Variants in SHTN1 observed in about 807,000 individuals in gnomAD.
SHTN1 encodes shootin-1.
In SHTN1, 42 loss-of-function variants were observed where a neutral mutation model predicts 83.1. The observed-to-expected ratio is 0.51, with a 90% confidence interval of 0.39 to 0.65. SHTN1 has a LOEUF of 0.65. Among genes scored for constraint, SHTN1 ranks in the 30% least tolerant of loss-of-function variants. The probability of loss-of-function intolerance (pLI) is 0.00; values close to 1 mark genes in which losing one functional copy is unlikely to be tolerated. For synonymous variants in SHTN1, 224 were observed against 247.7 expected, an observed-to-expected ratio of 0.90 and a Z score of 0.90; for missense variants, 622 against 737.8, an observed-to-expected ratio of 0.84 and a Z score of 1.82.
At chr10:117,104,652 T>C (rs1853647270) in intron 1 of SHTN1, among the ~76,000 whole-genome samples, 1 of 152,074 alleles carries the variant, frequency 6.6e-6, no homozygotes. Flanking sequence ...TGGGCGCCTG[T>C]AGCCCCAGCT....
chr10:116,943,672 G>T (rs891842141), intron 8 of SHTN1, among the ~76,000 whole-genome samples: 4 of 152,124 alleles, frequency 2.6e-5, no homozygotes, highest in African/African-American at 9.7e-5. Flanking sequence ...TTCACTGCTA[G>T]CACAGCTATG....
In SHTN1 at chr10:117,005,150, A is replaced by T. The variant is rs1851969925; in HGVS notation, c.-71T>A. The T allele has an allele frequency of 6.4e-7, 1 of 1,552,054 alleles. No individual in the cohort carries two copies. On this transcript the variant is annotated 5_prime_UTR_variant, in exon 1 of 17. Transcript: ENST00000355371. ...GGGGCACACAGGAGGAGGGGGAAGA[A>T]AAAGCAAGATGCCGGTGGCTTGCGG...
chr10:117,045,228 C>T (rs575567237), intron 2 of SHTN1, among the ~76,000 whole-genome samples: 7 of 152,218 alleles, frequency 4.6e-5, no homozygotes, highest in Non-Finnish European at 8.8e-5. Context: ...AATGAGAACA[C>T]TGACAAAATT....
intron 7 of SHTN1, among the ~76,000 whole-genome samples, chr10:116,948,030 T>C (rs1202787845): frequency 6.6e-6 from 1 of 152,218 alleles, no homozygotes; most frequent in Admixed American, 6.5e-5. Context: ...CGCAAAGGTT[T>C]CCTGTTAGTG....
intron 11 of SHTN1, 147 bp from the exon 12 acceptor site, chr10:116,921,663 T>TC (rs1848572053): frequency 1.8e-6 from 1 of 567,686 alleles, no homozygotes. Context: ...ATTAAACTTT[T>TC]CATCACTTTA....
At chr10:116,959,285 T>C (rs1158807205) in intron 4 of SHTN1, among the ~76,000 whole-genome samples, 3 of 152,216 alleles carry the variant, frequency 2.0e-5, no homozygotes, top group Non-Finnish European at 4.4e-5. Context: ...TGATTAAATA[T>C]CTTATGAATT....
At chr10:116,928,553 T>G (rs750768128) in intron 10 of SHTN1, among the ~76,000 whole-genome samples, 1 of 152,182 alleles carries the variant, frequency 6.6e-6, no homozygotes, top group Non-Finnish European at 1.5e-5. Context: ...AGAACTGAAC[T>G]TAAGTTGATA....
chr10:116,989,374 C>A (rs1851337026), intron 1 of SHTN1, among the ~76,000 whole-genome samples: 1 of 151,990 alleles, frequency 6.6e-6, no homozygotes, highest in Admixed American at 6.6e-5. Context: ...TATTATATAT[C>A]CTGCAAAAAC....
intron 1 of SHTN1, among the ~76,000 whole-genome samples, chr10:117,061,135 C>CTTTTTTTTTTTTTTTTTTTTTT (rs5788206): frequency 1.6e-5 from 2 of 127,264 alleles, no homozygotes; most frequent in Non-Finnish European, 1.7e-5. Context: ...AAGCTTTAGT[C>CTTTTTTTTTTTTTTTTTTTTTT]TTTTTTTTTT....
At chr10:117,062,715 A>G (rs1194840151) in intron 1 of SHTN1, among the ~76,000 whole-genome samples, 3 of 152,200 alleles carry the variant, frequency 2.0e-5, no homozygotes, top group African/African-American at 2.4e-5. Flanking sequence ...ATTCTTTTGT[A>G]TAACTCATAG....
intron 2 of SHTN1, among the ~76,000 whole-genome samples, chr10:117,014,212 C>T (rs991085445): frequency 4.6e-5 from 7 of 152,064 alleles, no homozygotes; most frequent in East Asian, 3.9e-4. Context: ...CTGTATGGTA[C>T]AGGGGTGTTG....
chr10:117,049,599 T>C (rs1852713382), intron 1 of SHTN1, among the ~76,000 whole-genome samples: 1 of 152,172 alleles, frequency 6.6e-6, no homozygotes, highest in Non-Finnish European at 1.5e-5. Context: ...AAATGTTTGT[T>C]GAATGAATGA....
At chr10:117,066,053 A>G (rs970319047) in intron 1 of SHTN1, among the ~76,000 whole-genome samples, 2 of 152,028 alleles carry the variant, frequency 1.3e-5, no homozygotes, top group Non-Finnish European at 1.5e-5. Flanking sequence ...CAACATATCA[A>G]GACCCTACCT....
chr10:117,067,626 A>AAATC (rs1033598135), intron 1 of SHTN1, among the ~76,000 whole-genome samples: 29 of 152,274 alleles, frequency 1.9e-4, no homozygotes, highest in South Asian at 8.3e-4. Flanking sequence ...AAAAATTTTA[A>AAATC]AATCAATCAA....
intron 2 of SHTN1, among the ~76,000 whole-genome samples, chr10:116,976,208 A>T (rs1469853577): frequency 6.6e-6 from 1 of 152,174 alleles, no homozygotes; most frequent in Non-Finnish European, 1.5e-5. Flanking sequence ...ATGAGAGAGC[A>T]TGGATGTCCT....
chr10:116,989,905 A>T (rs561621700), intron 1 of SHTN1, among the ~76,000 whole-genome samples: 29 of 152,300 alleles, frequency 1.9e-4, no homozygotes, highest in African/African-American at 5.8e-4. Context: ...CTTGAGGAAA[A>T]CATAATTTCT....
chr10:116,886,236 G>C lies in SHTN1; in HGVS notation c.*108C>G. Reference sequence around the variant, plus strand: ...GACACCAGAAAAGAACCTGTATTCTGAATACAGTGACCAGAGCAGAATGTC... The same window carrying C: ...GACACCAGAAAAGAACCTGTATTCTCAATACAGTGACCAGAGCAGAATGTC... On this transcript the variant is annotated 3_prime_UTR_variant, in exon 17 of 17. Transcript: ENST00000355371. 1.4e-6 allele frequency: 2 copies of C among 1,451,852 alleles called. No individual in the cohort carries two copies. Among genetic ancestry groups the C allele is most frequent in the Non-Finnish European group, 1.9e-6 (2 of 1,077,710 alleles). The allele number at this position is 1,451,852 out of a possible 1,614,324, so 89.9% of individuals were successfully genotyped here.
At position 116,886,441 on chromosome 10, in the gene SHTN1, T is replaced by G. The variant is rs762972159; in HGVS notation, c.1799A>C (p.Asp600Ala). Residue 600 changes from aspartate (D) to alanine (A), a missense_variant, in exon 17 of 17, where the codon GAT (aspartate) becomes GCT (alanine). By Grantham distance (126) the Asp-to-Ala change is moderately radical. Around this residue, in one of 3 missense-constraint regions of SHTN1, gnomAD observed 231 missense variants for 251.6 expected, o/e 0.92. Transcript: ENST00000355371. ...PQTKDQVAEK[D>A]PTQHKEDEGE... ...TTCATCCTCCTTGTGTTGAGTTGGA[T>G]CTTTTTCAGCAACCTGGTCTTTGGT... 2.5e-6 allele frequency: 4 copies of G among 1,612,096 alleles called. No homozygotes were observed. In the African/African-American group the frequency reaches 5.3e-5, roughly 22 times the overall value.
chr10:116,907,265 G>A (rs117506955), intron 14 of SHTN1, among the ~76,000 whole-genome samples: 19 of 152,256 alleles, frequency 1.2e-4, no homozygotes, highest in Non-Finnish European at 2.5e-4. Flanking sequence ...ATGCTCTCCA[G>A]GGGCCGACCC....
Sources: gnomAD v4.1 joint callset for allele counts (sites outside exome capture counted in the v4.1 genomes callset) on GRCh38, gnomAD v4.1.1 for gene constraint, gnomAD v4.1.1 regional missense constraint, MANE v1.5 for transcripts, NCBI Gene and HGNC (gene_info 2026-07-23, HGNC 2026-07-21) for gene names.